Variants in UGGT1 observed in about 807,000 individuals in gnomAD.
The protein encoded by UGGT1 is UDP-glucose glycoprotein glucosyltransferase 1.
UGGT1 carries 107 observed loss-of-function variants against 203.9 expected under a neutral mutation model. The ratio of observed to expected loss-of-function variants is 0.52; its 90% CI spans 0.45 to 0.62. UGGT1 has a LOEUF of 0.62. UGGT1 is among the 20% of genes least tolerant of loss of function. UGGT1 has a pLI of 0.00. For missense variants in UGGT1, 1,673 were observed against 1,867.2 expected (o/e 0.90, Z 1.92); for synonymous variants, 628 against 653.5 (o/e 0.96, Z 0.59).
intron 3 of UGGT1, among the ~76,000 whole-genome samples, chr2:128,107,409 A>G (rs1209176132): frequency 6.6e-6 from 1 of 152,036 alleles, no homozygotes; most frequent in East Asian, 1.9e-4. Flanking sequence ...AGTTTTGTTT[A>G]GTTTTTGGAG....
intron 39 of UGGT1, 188 bp from the exon 40 acceptor site, chr2:128,187,261 C>A: frequency 1.9e-6 from 1 of 519,956 alleles, no homozygotes; most frequent in Non-Finnish European, 3.2e-6. Flanking sequence ...ATTAGCCACT[C>A]ACACATTCTT....
intron 39 of UGGT1, 147 bp downstream of exon 39, chr2:128,186,946 C>T: frequency 1.7e-6 from 1 of 586,976 alleles, no homozygotes; most frequent in Non-Finnish European, 3.0e-6. Flanking sequence ...TTTGTCGGGG[C>T]TATTCTTATC....
intron 21 of UGGT1, 30 bp downstream of exon 21, chr2:128,156,445 C>T: frequency 6.5e-7 from 1 of 1,533,934 alleles, no homozygotes; most frequent in Non-Finnish European, 9.0e-7. Flanking sequence ...TGTTCTATTT[C>T]TTAATTTTCT....
At chr2:128,167,153 G>A (rs1690836894) in intron 26 of UGGT1, among the ~76,000 whole-genome samples, 1 of 152,098 alleles carries the variant, frequency 6.6e-6, no homozygotes, top group Admixed American at 6.5e-5. Flanking sequence ...GTCACCAGCG[G>A]GAGGAAACCT....
chr2:128,092,822 G>C lies in UGGT1; in HGVS notation c.58+1407G>C, dbSNP rs374713075. Among the ~76,000 whole-genome samples the C allele has an allele frequency of 2.6e-5, 4 of 152,118 alleles. No individual in the cohort carries two copies. In the East Asian group the frequency reaches 5.8e-4, roughly 22 times the overall value. On this transcript the variant is annotated intron_variant, in intron 1 of 40. Transcript: ENST00000259253. ...CCTCCTACCTCAGCCTCCTACGGAT[G>C]GTTGTTGATAGTTGGGCCTAGAACT... is the stretch of plus-strand genomic sequence containing the variant.
At chr2:128,122,362 T>A (rs1688420941) in intron 10 of UGGT1, among the ~76,000 whole-genome samples, 1 of 152,016 alleles carries the variant, frequency 6.6e-6, no homozygotes, top group Non-Finnish European at 1.5e-5. Flanking sequence ...GTGAAACCGC[T>A]TTTCTACTGA....
chr2:128,145,901 G>A lies in UGGT1; in HGVS notation c.1950G>A (p.Glu650=). Residue 650 remains glutamate, a synonymous_variant, in exon 18 of 41, where the codon GAG becomes GAA. Transcript: ENST00000259253. ...PFEREQLDPD[E]LETITMHKIL... ...AAAGGGAACAGCTAGACCCTGATGA[G>A]TTAGAAACCATCACAATGCATAAAA... is the stretch of plus-strand genomic sequence containing the variant. 1 of 1,614,114 alleles carries A rather than the reference G, an allele frequency of 6.2e-7. No individual in the cohort carries two copies. Among genetic ancestry groups the A allele is most frequent in the Non-Finnish European group, 8.5e-7 (1 of 1,180,002 alleles).
At chr2:128,178,028 A>G (rs919708583) in intron 33 of UGGT1, 108 bp downstream of exon 33, 13 of 918,138 alleles carry the variant, frequency 1.4e-5, no homozygotes, top group Non-Finnish European at 2.0e-5. Flanking sequence ...TTCACATTCT[A>G]CTTTGTGCAG....
intron 18 of UGGT1, among the ~76,000 whole-genome samples, chr2:128,149,463 T>G (rs574842169): frequency 1.3e-5 from 2 of 149,476 alleles, no homozygotes; most frequent in South Asian, 4.2e-4. Context: ...GCTAACACGG[T>G]GAAACCCTGT....
intron 5 of UGGT1, among the ~76,000 whole-genome samples, chr2:128,110,406 C>G (rs4549020): frequency 0.9 from 136,872 of 152,028 alleles, 62,390 homozygotes; most frequent in Non-Finnish European, 0.98. Context: ...GAGATTGGCT[C>G]CCCAGCACCC....
chr2:128,167,842 C>T (rs1332164417), intron 26 of UGGT1, among the ~76,000 whole-genome samples: 6 of 151,950 alleles, frequency 3.9e-5, no homozygotes, highest in Non-Finnish European at 7.4e-5. Flanking sequence ...AAGTAAAGGA[C>T]CTCACAAGGT....
At chr2:128,129,248 C>G (rs143264607) in intron 13 of UGGT1, 69 bp downstream of exon 13, 4 of 1,519,246 alleles carry the variant, frequency 2.6e-6, no homozygotes, top group Non-Finnish European at 3.5e-6. Context: ...TCTGATTTGT[C>G]TCTTATGAGG....
intron 8 of UGGT1, among the ~76,000 whole-genome samples, chr2:128,116,966 A>C (rs1198321353): frequency 6.6e-6 from 1 of 152,202 alleles, no homozygotes; most frequent in Non-Finnish European, 1.5e-5. Context: ...TTCACTTAAT[A>C]TTTTCCCAGG....
chr2:128,179,281 T>C (rs1691563411), intron 34 of UGGT1, among the ~76,000 whole-genome samples: 1 of 152,190 alleles, frequency 6.6e-6, no homozygotes, highest in Non-Finnish European at 1.5e-5. Context: ...TTGGTTAAAT[T>C]CCTCCATTCA....
chr2:128,175,558 C>G (rs776640580), intron 31 of UGGT1, among the ~76,000 whole-genome samples: 1 of 152,142 alleles, frequency 6.6e-6, no homozygotes, highest in African/African-American at 2.4e-5. Flanking sequence ...AGCTCCGTAG[C>G]GACACACATG....
chr2:128,182,872 C>A (rs1691773223), intron 37 of UGGT1, among the ~76,000 whole-genome samples: 1 of 140,372 alleles, frequency 7.1e-6, no homozygotes, highest in Admixed American at 7.0e-5. Flanking sequence ...TTTTTTTACA[C>A]AAAATATGCT....
At chr2:128,123,287 T>G in intron 11 of UGGT1, 41 bp downstream of exon 11, 1 of 1,547,592 alleles carries the variant, frequency 6.5e-7, no homozygotes, top group South Asian at 1.2e-5. Flanking sequence ...TTGTATTCTA[T>G]CTTTAAAGAT....
intron 18 of UGGT1, among the ~76,000 whole-genome samples, chr2:128,149,654 TC>T (rs1689854478): frequency 6.6e-6 from 1 of 151,306 alleles, no homozygotes; most frequent in African/African-American, 2.4e-5. Flanking sequence ...GCGCCTGTAG[TC>T]CCAGCTACTC....
At chr2:128,137,200 T>G (rs1188976411) in intron 15 of UGGT1, among the ~76,000 whole-genome samples, 1 of 152,198 alleles carries the variant, frequency 6.6e-6, no homozygotes, top group Non-Finnish European at 1.5e-5. Context: ...GAGGATCGCT[T>G]GAGGCCAGGA....
Sources: gnomAD v4.1 joint callset for allele counts (sites outside exome capture counted in the v4.1 genomes callset) on GRCh38, gnomAD v4.1.1 for gene constraint, MANE v1.5 for transcripts, NCBI Gene and HGNC (gene_info 2026-07-23, HGNC 2026-07-21) for gene names.